The following RRP12 variants were observed in gnomAD, a reference collection of about 807,000 sequenced individuals.
RRP12 encodes the protein RRP12-like protein.
RRP12 carries 78 observed loss-of-function variants against 157.3 expected under a neutral mutation model. The ratio of observed to expected loss-of-function variants is 0.50; its 90% CI spans 0.41 to 0.60. The LOEUF is 0.60. Ranked by LOEUF, RRP12 falls within the 20% of genes least tolerant of loss-of-function variation. RRP12 has a pLI of 0.00. For synonymous variants in RRP12, 726 were observed against 670.9 expected, an observed-to-expected ratio of 1.08 and a Z score of -1.27; for missense variants, 1,521 against 1,679.9, an observed-to-expected ratio of 0.91 and a Z score of 1.65.
intron 7 of RRP12, 41 bp from the exon 8 acceptor site, chr10:97,388,420 A>AC: frequency 6.2e-7 from 1 of 1,613,024 alleles, no homozygotes; most frequent in Non-Finnish European, 8.5e-7. Context: ...GCCCCGCCCT[A>AC]CCGCAGGCCC....
chr10:97,366,891 C>A lies in RRP12; in HGVS notation c.3066G>T (p.Arg1022Ser), dbSNP rs1844001964. ...IRKFGFELVKRLLPEEYHRVL... is the reference protein window; with the variant it reads ...IRKFGFELVKSLLPEEYHRVL... ...CTCTGTGGTACTCCTCGGGCAACAG[C>A]CTTTTCACCAGCTCAAATCTGGAGG... is the stretch of plus-strand genomic sequence containing the variant. Residue 1022 changes from arginine (R) to serine (S), a missense_variant, in exon 27 of 34, where the codon AGG becomes AGT. Transcript: ENST00000370992. 2 of 1,613,628 alleles carry A rather than the reference C, an allele frequency of 1.2e-6. No individual in the cohort carries two copies. The highest frequency in any genetic ancestry group is 1.7e-6 in the Non-Finnish European group (2 of 1,179,768).
chr10:97,369,613 C>A (rs1402932426), intron 24 of RRP12, 31 bp from the exon 25 acceptor site: 1 of 1,545,298 alleles, frequency 6.5e-7, no homozygotes, highest in Admixed American at 2.0e-5. Flanking sequence ...CTGTCTAAGA[C>A]ACCCAGGACC....
Position 97,373,833 on chromosome 10 carries a change from C to A in RRP12, c.1860G>T (p.Trp620Cys), listed in dbSNP as rs1487584554. 5.0e-6 allele frequency: 8 copies of A among 1,613,918 alleles called. No individual in the cohort carries two copies. The highest frequency in any genetic ancestry group is 5.9e-6 in the Non-Finnish European group (7 of 1,179,926). ...CCCTCCCCCAGCTGACCCTTACCTG[C>A]CACTGGAGTGTGTCGTAGATCTTAG... ...VESKIYDTLQWQMWTLLPGFC... is the reference protein window; with the variant it reads ...VESKIYDTLQCQMWTLLPGFC... Residue 620 changes from tryptophan (W) to cysteine (C), a missense_variant, in exon 16 of 34, where the codon TGG becomes TGT. Coordinates refer to ENST00000370992, the MANE Select transcript of RRP12 (RefSeq NM_015179.4).
rs1564747003 is a variant in RRP12, at chr10:97,360,559, G to C, written c.3627C>G (p.Pro1209=). 4.3e-6 allele frequency: 7 copies of C among 1,613,268 alleles called. No homozygotes were observed. Among genetic ancestry groups the C allele is most frequent in the Non-Finnish European group, 5.1e-6 (6 of 1,179,258 alleles). Residue 1209 remains proline (P), a synonymous_variant, in exon 31 of 34, where the codon CCC becomes CCG. Transcript: ENST00000370992. ...TGGAAGCCTCACCTTGGTACTGAGGGGGTATCTCCAGCTCCTCCTCCTCAG... is the reference window on the plus strand; with the variant it reads ...TGGAAGCCTCACCTTGGTACTGAGGCGGTATCTCCAGCTCCTCCTCCTCAG... ...KEAEEEELEI[P]PQYQAGGSGI... is the part of the protein sequence containing the mutation.
At position 97,357,176 on chromosome 10, in the gene RRP12, C is replaced by T. The variant is rs1490101032; in HGVS notation, c.3812G>A (p.Gly1271Glu). The change falls in exon 34 of 34, where the codon GGA becomes GAA. Residue 1271 changes from glycine to glutamate, a missense_variant. By Grantham distance (98) the Gly-to-Glu change is moderately conservative. Transcript: ENST00000370992. ...LNRRKKMKLQ[G>E]QFKGLVKAAR... Reference sequence around the variant, plus strand: ...AGCCTTCACCAGGCCTTTGAACTGTCCCTGCAGCTTCATCTTCTTCCTGCA... The same window carrying T: ...AGCCTTCACCAGGCCTTTGAACTGTTCCTGCAGCTTCATCTTCTTCCTGCA... 2 of 1,610,830 alleles carry T rather than the reference C, an allele frequency of 1.2e-6. No individual in the cohort carries two copies. Among genetic ancestry groups the T allele is most frequent in the East Asian group, 4.5e-5 (2 of 44,714 alleles).
At chr10:97,376,450 T>C (rs1035838874) in intron 15 of RRP12, among the ~76,000 whole-genome samples, 2 of 151,888 alleles carry the variant, frequency 1.3e-5, no homozygotes, top group Non-Finnish European at 2.9e-5. Context: ...CCTGACCTCA[T>C]GATCTGCCCG....
rs762166232 is a variant in RRP12 at position 97,390,806 on chromosome 10, G to A, written c.569C>T (p.Thr190Ile). Residue 190 changes from threonine (T) to isoleucine (I), a missense_variant, in exon 5 of 34, where the codon ACC becomes ATC. Thr to Ile is a moderately conservative substitution (Grantham distance 89, BLOSUM62 -1). Coordinates refer to ENST00000370992, the MANE Select transcript of RRP12 (RefSeq NM_015179.4). ...CATGATATCCATGAAGGCTTTGGAGGTATCAGAGAACTTCTTAATAAGCAC... is the reference window on the plus strand; with the variant it reads ...CATGATATCCATGAAGGCTTTGGAGATATCAGAGAACTTCTTAATAAGCAC... ...SPVLIKKFSD[T>I]SKAFMDIMSA... 6.2e-7 allele frequency: 1 copy of A among 1,613,844 alleles called. No homozygotes were observed. The highest frequency in any genetic ancestry group is 2.2e-5 in the East Asian group (1 of 44,882).
intron 6 of RRP12, among the ~76,000 whole-genome samples, chr10:97,389,577 C>G (rs972520663): frequency 1.3e-5 from 2 of 152,114 alleles, no homozygotes; most frequent in African/African-American, 4.8e-5. Context: ...CCACCTCCTG[C>G]CCTAAATTTC....
intron 11 of RRP12, 68 bp from the exon 12 acceptor site, chr10:97,381,551 C>T: frequency 3.0e-6 from 4 of 1,316,188 alleles, no homozygotes; most frequent in Non-Finnish European, 4.2e-6. Flanking sequence ...CCCTCCCAGG[C>T]AACAGTTTCC....
At chr10:97,378,961 A>G (rs77400459) in intron 15 of RRP12, among the ~76,000 whole-genome samples, 1 of 152,254 alleles carries the variant, frequency 6.6e-6, no homozygotes, top group Non-Finnish European at 1.5e-5. Flanking sequence ...TACAAAATCA[A>G]TCTCAAGGGC....
In RRP12 at chr10:97,360,558, G is replaced by A. The variant is rs771235537; in HGVS notation, c.3628C>T (p.Pro1210Ser). 6 of 1,613,506 alleles carry A rather than the reference G, an allele frequency of 3.7e-6. No homozygotes were observed. Among genetic ancestry groups the A allele is most frequent in the South Asian group, 3.3e-5 (3 of 91,070 alleles). ...GTGGAAGCCTCACCTTGGTACTGAG[G>A]GGGTATCTCCAGCTCCTCCTCCTCA... ...EAEEEELEIP[P>S]QYQAGGSGIH... The change falls in exon 31 of 34, where the codon CCT becomes TCT. Residue 1210 changes from proline (P) to serine (S), a missense_variant. By Grantham distance (74) the Pro-to-Ser change is moderately conservative. Coordinates refer to ENST00000370992, the MANE Select transcript of RRP12 (RefSeq NM_015179.4).
At position 97,366,762 on chromosome 10, in the gene RRP12, G is replaced by C. The variant is rs139760006; in HGVS notation, c.3195C>G (p.Pro1065=). The C allele has an allele frequency of 1.2e-6, 2 of 1,612,004 alleles. No homozygotes were observed. Among genetic ancestry groups the C allele is most frequent in the Non-Finnish European group, 1.7e-6 (2 of 1,179,810 alleles). The change falls in exon 27 of 34, where the codon CCC becomes CCG. Residue 1065 remains proline, a synonymous_variant. Transcript: ENST00000370992. ...CTCACCTGTCACCTTTGCCCTGGGC[G>C]GGCTCCTCCTCCTCCTCCTCCTCTT... ...EEEEEEEEEE[P]AQGKGDSIEE... is the part of the protein sequence containing the mutation.
intron 8 of RRP12, 103 bp downstream of exon 8, chr10:97,388,149 T>C: frequency 6.7e-7 from 1 of 1,481,884 alleles, no homozygotes; most frequent in Non-Finnish European, 9.3e-7. Context: ...AAGAACACAG[T>C]CAGGGAGGGA....
intron 2 of RRP12, among the ~76,000 whole-genome samples, chr10:97,396,660 G>C (rs1396375274): frequency 1.3e-5 from 2 of 152,166 alleles, no homozygotes; most frequent in East Asian, 1.9e-4. Flanking sequence ...GTTATCGAGG[G>C]GGGGATTGGT....
chr10:97,371,139 C>T, intron 20 of RRP12, 58 bp from the exon 21 acceptor site: 2 of 1,557,968 alleles, frequency 1.3e-6, no homozygotes, highest in Admixed American at 1.8e-5. Flanking sequence ...CAATGCTATC[C>T]ACGGAGCATC....
intron 31 of RRP12, 43 bp downstream of exon 31, chr10:97,360,503 A>T (rs753458139): frequency 6.8e-7 from 1 of 1,476,562 alleles, no homozygotes; most frequent in East Asian, 2.3e-5. Context: ...AATGCAGGTG[A>T]CAGGGATCCA....
At position 97,379,280 on chromosome 10, in the gene RRP12, G is replaced by A. The variant is rs1844394820; in HGVS notation, c.1798+13C>T. On this transcript the variant is annotated intron_variant, in intron 15 of 33. Transcript: ENST00000370992. ...GGAGCCTCAGGTCACACACAGGCAA[G>A]GGTCTCTCCTACCTTTGCTCTTCAG... 2 of 1,613,474 alleles carry A rather than the reference G, an allele frequency of 1.2e-6. No homozygotes were observed. Among genetic ancestry groups the A allele is most frequent in the African/African-American group, 2.7e-5 (2 of 75,046 alleles).
intron 33 of RRP12, among the ~76,000 whole-genome samples, chr10:97,357,497 G>A (rs1005596053): frequency 1.3e-5 from 2 of 152,078 alleles, no homozygotes; most frequent in Non-Finnish European, 2.9e-5. Flanking sequence ...TCCATTGAAA[G>A]GTAACTTACA....
At position 97,388,602 on chromosome 10, in the gene RRP12, C is replaced by G. The variant is rs1187004777; in HGVS notation, c.776G>C (p.Gly259Ala). ...ACTGCCCTTGAGGACTGAGCATACT[C>G]CATGCTGGGCAGCCTTCCGGATCTG... ...KPKIRKAAQHGVCSVLKGSEF... is the reference protein window; with the variant it reads ...KPKIRKAAQHAVCSVLKGSEF... The change falls in exon 7 of 34, where the codon GGA becomes GCA. Residue 259 changes from glycine (G) to alanine (A), a missense_variant. By Grantham distance (60) the Gly-to-Ala change is moderately conservative. Coordinates refer to ENST00000370992, the MANE Select transcript of RRP12 (RefSeq NM_015179.4). The G allele has an allele frequency of 6.2e-7, 1 of 1,614,188 alleles. No individual in the cohort carries two copies.
Sources: gnomAD v4.1 joint callset for allele counts (sites outside exome capture counted in the v4.1 genomes callset) on GRCh38, gnomAD v4.1.1 for gene constraint, MANE v1.5 for transcripts, NCBI Gene and HGNC (gene_info 2026-07-23, HGNC 2026-07-21) for gene names.